SOX6: variants seen among roughly 807,000 people sequenced by gnomAD.
The protein encoded by SOX6 is transcription factor SOX-6.
SOX6 carries 11 observed loss-of-function variants against 97.8 expected under a neutral mutation model. The observed-to-expected ratio is 0.11, with a 90% CI of 0.07 to 0.19. SOX6 has a LOEUF of 0.19. Ranked by LOEUF, SOX6 falls within the 10% of genes least tolerant of loss-of-function variation. The probability of loss-of-function intolerance (pLI) is 1.00; values close to 1 mark genes in which losing one functional copy is unlikely to be tolerated. For synonymous variants in SOX6, 360 were observed against 371.4 expected, an observed-to-expected ratio of 0.97 and a Z score of 0.35; for missense variants, 810 against 1,039.5, an observed-to-expected ratio of 0.78 and a Z score of 3.04.
chr11:16,241,712 G>T (rs530532183), intron 3 of SOX6, among the ~76,000 whole-genome samples: 1 of 151,980 alleles, frequency 6.6e-6, no homozygotes, highest in Non-Finnish European at 1.5e-5. Context: ...TTACTTGCTG[G>T]AACTATCTAA....
chr11:16,036,030 C>T (rs1479194005), intron 12 of SOX6, among the ~76,000 whole-genome samples: 1 of 151,340 alleles, frequency 6.6e-6, no homozygotes, highest in Non-Finnish European at 1.5e-5. Flanking sequence ...ATAAAATGAG[C>T]GGCTGTACTA....
intron 4 of SOX6, among the ~76,000 whole-genome samples, chr11:16,501,448 A>G (rs900354551): frequency 6.6e-5 from 10 of 152,336 alleles, no homozygotes; most frequent in Middle Eastern, 3.4e-3. Context: ...ACAAAAGCCA[A>G]AATTGACAAA....
chr11:16,474,646 C>T (rs1227574450), intron 1 of SOX6, among the ~76,000 whole-genome samples: 1 of 152,152 alleles, frequency 6.6e-6, no homozygotes, highest in Non-Finnish European at 1.5e-5. Flanking sequence ...ATGCTATAAA[C>T]AAGTGTGCTG....
At chr11:16,200,811 T>TA (rs894239540) in intron 4 of SOX6, among the ~76,000 whole-genome samples, 3 of 151,820 alleles carry the variant, frequency 2.0e-5, no homozygotes, top group Non-Finnish European at 2.9e-5. Flanking sequence ...TAGTAGGTCT[T>TA]AAAAAAAATA....
chr11:16,098,916 T>C (rs966895296), intron 7 of SOX6, among the ~76,000 whole-genome samples: 1 of 151,836 alleles, frequency 6.6e-6, no homozygotes, highest in South Asian at 2.1e-4. Flanking sequence ...CTCTGGTTCC[T>C]GGGAACTCAT....
At chr11:16,029,403 C>T (rs374091016) in intron 12 of SOX6, among the ~76,000 whole-genome samples, 1 of 151,668 alleles carries the variant, frequency 6.6e-6, no homozygotes, top group African/African-American at 2.4e-5. Context: ...TTTGGGAGGC[C>T]GAGGCGGGTG....
chr11:16,514,713 C>G (rs1471591142), intron 4 of SOX6, among the ~76,000 whole-genome samples: 1 of 122,366 alleles, frequency 8.2e-6, no homozygotes, highest in Non-Finnish European at 1.6e-5. Context: ...CACCCCACAA[C>G]AGTCCCCAGA....
intron 12 of SOX6, among the ~76,000 whole-genome samples, chr11:16,029,211 A>G (rs925381778): frequency 6.6e-6 from 1 of 152,214 alleles, no homozygotes; most frequent in Non-Finnish European, 1.5e-5. Flanking sequence ...GCTCTAGGAC[A>G]TGGGCTCAAT....
chr11:16,733,074 AC>A (rs1393133444), intron 2 of SOX6, among the ~76,000 whole-genome samples: 2 of 152,212 alleles, frequency 1.3e-5, no homozygotes, highest in Non-Finnish European at 2.9e-5. Context: ...AAGTCAAGAA[AC>A]AACAGATGCT....
At chr11:16,385,382 G>A (rs1857952379) in intron 1 of SOX6, among the ~76,000 whole-genome samples, 1 of 152,026 alleles carries the variant, frequency 6.6e-6, no homozygotes, top group African/African-American at 2.4e-5. Flanking sequence ...AATATCAGAG[G>A]CATCTATATT....
chr11:16,351,468 A>T (rs1294623731), intron 1 of SOX6, among the ~76,000 whole-genome samples: 1 of 151,948 alleles, frequency 6.6e-6, no homozygotes, highest in Non-Finnish European at 1.5e-5. Flanking sequence ...TCCTCCACCA[A>T]ATCAATCTTA....
chr11:16,542,640 G>T (rs972003278), intron 4 of SOX6, among the ~76,000 whole-genome samples: 2 of 152,064 alleles, frequency 1.3e-5, no homozygotes, highest in Non-Finnish European at 2.9e-5. Context: ...TCAACAGCAT[G>T]AGTGAGTTTT....
At chr11:16,291,442 C>A (rs555545966) in intron 3 of SOX6, among the ~76,000 whole-genome samples, 1 of 151,598 alleles carries the variant, frequency 6.6e-6, no homozygotes, top group African/African-American at 2.4e-5. Context: ...GATGAAAGAA[C>A]GAATAAACAA....
chr11:16,659,487 C>T (rs1370538659), intron 3 of SOX6, among the ~76,000 whole-genome samples: 2 of 146,012 alleles, frequency 1.4e-5, no homozygotes, highest in African/African-American at 4.9e-5. Flanking sequence ...TCTTATTCTC[C>T]TTCAATAATG....
intron 9 of SOX6, among the ~76,000 whole-genome samples, chr11:16,058,003 G>A (rs113717382): frequency 3.3e-5 from 5 of 151,798 alleles, no homozygotes; most frequent in African/African-American, 4.8e-5. Context: ...CAGTCTTTTC[G>A]ATCCAAACTC....
intron 3 of SOX6, among the ~76,000 whole-genome samples, chr11:16,274,627 CCT>C (rs1290827334): frequency 3.9e-5 from 6 of 152,004 alleles, no homozygotes; most frequent in Non-Finnish European, 8.8e-5. Context: ...TGATTATTCC[CCT>C]CTTTGCACAT....
intron 3 of SOX6, among the ~76,000 whole-genome samples, chr11:16,635,467 T>C (rs1195445826): frequency 6.6e-6 from 1 of 152,188 alleles, no homozygotes; most frequent in East Asian, 1.9e-4. Flanking sequence ...TGACTTAGTG[T>C]ATCCGGCAGA....
intron 3 of SOX6, among the ~76,000 whole-genome samples, chr11:16,695,427 C>T (rs543876045): frequency 2.6e-5 from 4 of 152,072 alleles, no homozygotes; most frequent in Non-Finnish European, 4.4e-5. Context: ...GAATAAAATA[C>T]AGAAAAATGA....
At chr11:16,403,985 A>C (rs570150640) in intron 1 of SOX6, among the ~76,000 whole-genome samples, 17 of 151,932 alleles carry the variant, frequency 1.1e-4, no homozygotes, top group Non-Finnish European at 1.9e-4. Context: ...ATAACAAAAT[A>C]CTGAAGTTAA....
Sources: allele counts gnomAD v4.1 joint callset (sites outside exome capture counted in the v4.1 genomes callset), GRCh38; gene constraint gnomAD v4.1.1; transcripts MANE v1.5; gene names NCBI Gene and HGNC (gene_info 2026-07-23, HGNC 2026-07-21).